Variants in RAPGEF6 observed in about 807,000 individuals in gnomAD.
The protein encoded by RAPGEF6 is Rap guanine nucleotide exchange factor 6.
A neutral mutation model predicts 171.4 loss-of-function variants in RAPGEF6; 56 were observed. The ratio of observed to expected loss-of-function variants is 0.33; its 90% confidence interval spans 0.26 to 0.41. RAPGEF6 has a LOEUF of 0.41. Among genes scored for constraint, RAPGEF6 ranks in the 10% least tolerant of loss-of-function variants. RAPGEF6 has a pLI of 1.00. For missense variants in RAPGEF6, 1,674 were observed against 1,921.4 expected (o/e 0.87, Z 2.41); for synonymous variants, 692 against 650.1 (o/e 1.06, Z -0.98).
intron 5 of RAPGEF6, among the ~76,000 whole-genome samples, chr5:131,561,396 G>C (rs1385271813): frequency 6.6e-6 from 1 of 152,008 alleles, no homozygotes; most frequent in Non-Finnish European, 1.5e-5. Context: ...AGTGACCCAC[G>C]CCTGTAATCT....
intron 5 of RAPGEF6, among the ~76,000 whole-genome samples, chr5:131,557,823 C>A (rs542446318): frequency 6.6e-6 from 1 of 152,186 alleles, no homozygotes; most frequent in Admixed American, 6.5e-5. Context: ...CATTCAAATG[C>A]TAAATCAATT....
intron 5 of RAPGEF6, among the ~76,000 whole-genome samples, chr5:131,549,778 T>C (rs187361922): frequency 1.3e-5 from 2 of 152,234 alleles, no homozygotes; most frequent in East Asian, 1.9e-4. Flanking sequence ...GCAGGTAAAC[T>C]TGTGTCATGG....
intron 3 of RAPGEF6, among the ~76,000 whole-genome samples, chr5:131,593,935 T>A (rs1763735053): frequency 6.6e-6 from 1 of 152,156 alleles, no homozygotes; most frequent in African/African-American, 2.4e-5. Context: ...GATAATGTGG[T>A]AGAAAAGAAA....
rs1455578591 is a variant in RAPGEF6 at position 131,426,146 on chromosome 5, C to G, written c.*1120G>C. 6.6e-6 allele frequency: 1 copy of G among 152,196 alleles called. No homozygotes were observed. The highest frequency in any genetic ancestry group is 1.5e-5 in the Non-Finnish European group (1 of 68,022). The allele number at this position is 152,196 out of a possible 1,614,324, so 9.4% of individuals were successfully genotyped here. On this transcript the variant is annotated 3_prime_UTR_variant, in exon 28 of 28. Transcript: ENST00000509018. Reference sequence around the variant, plus strand: ...ACAATCATTTCTGTAACTCCAGCTCCTCTTTCTCCCACAAAATGTTACTGC... The same window carrying G: ...ACAATCATTTCTGTAACTCCAGCTCGTCTTTCTCCCACAAAATGTTACTGC...
chr5:131,468,813 C>A (rs950026981), intron 17 of RAPGEF6, among the ~76,000 whole-genome samples: 36 of 151,820 alleles, frequency 2.4e-4, no homozygotes, highest in Non-Finnish European at 4.4e-4. Flanking sequence ...GCAAAAAGCG[C>A]CACACAAAAA....
chr5:131,447,382 C>A (rs1346849421), intron 21 of RAPGEF6: 1 of 152,208 alleles, frequency 6.6e-6, no homozygotes, highest in Non-Finnish European at 1.5e-5. Flanking sequence ...AACTGAGGAT[C>A]TGGGACATCA....
intron 1 of RAPGEF6, among the ~76,000 whole-genome samples, chr5:131,620,880 C>T (rs1765556711): frequency 6.6e-6 from 1 of 152,204 alleles, no homozygotes; most frequent in Non-Finnish European, 1.5e-5. Context: ...GCATGACAAA[C>T]CATGCCCACG....
intron 11 of RAPGEF6, 86 bp downstream of exon 11, chr5:131,504,540 A>G (rs1757227162): frequency 7.7e-7 from 1 of 1,298,746 alleles, no homozygotes; most frequent in Admixed American, 2.4e-5. Context: ...ATTATCTTGC[A>G]TTACTTAAAA....
intron 24 of RAPGEF6, among the ~76,000 whole-genome samples, chr5:131,437,819 G>A (rs749288849): frequency 2.0e-5 from 3 of 152,144 alleles, no homozygotes; most frequent in Admixed American, 1.3e-4. Context: ...TGAGGTGGCC[G>A]CAGAGAAAGA....
intron 3 of RAPGEF6, among the ~76,000 whole-genome samples, chr5:131,601,395 A>C (rs1764249285): frequency 6.6e-6 from 1 of 151,966 alleles, no homozygotes; most frequent in African/African-American, 2.4e-5. Flanking sequence ...CAAAAAAAAA[A>C]AAAAAAAAGG....
intron 11 of RAPGEF6, among the ~76,000 whole-genome samples, chr5:131,504,156 T>C (rs912535493): frequency 1.3e-5 from 2 of 152,104 alleles, no homozygotes; most frequent in Non-Finnish European, 2.9e-5. Flanking sequence ...TCCTTCATCA[T>C]TAAAATGTGT....
At chr5:131,579,247 C>T (rs188928351) in intron 4 of RAPGEF6, among the ~76,000 whole-genome samples, 120 of 152,228 alleles carry the variant, frequency 7.9e-4, no homozygotes, top group Middle Eastern at 3.4e-3. Flanking sequence ...CAGACCTTCC[C>T]GGTGAGTGTT....
chr5:131,596,952 C>A (rs1237316448), intron 3 of RAPGEF6, among the ~76,000 whole-genome samples: 1 of 152,070 alleles, frequency 6.6e-6, no homozygotes, highest in Non-Finnish European at 1.5e-5. Context: ...AATGAATAGA[C>A]AACCTACAGA....
chr5:131,549,429 C>T (rs1283002156), intron 5 of RAPGEF6, among the ~76,000 whole-genome samples: 1 of 152,272 alleles, frequency 6.6e-6, no homozygotes, highest in South Asian at 2.1e-4. Flanking sequence ...AAACTGCAGA[C>T]AGTACCAAAT....
At position 131,427,283 on chromosome 5, in the gene RAPGEF6, G is replaced by C. The variant is rs1421202456; in HGVS notation, c.4789C>G (p.Gln1597Glu). The C allele has an allele frequency of 6.2e-7, 1 of 1,608,350 alleles. No homozygotes were observed. The highest frequency in any genetic ancestry group is 8.5e-7 in the Non-Finnish European group (1 of 1,175,080). The part of the protein sequence containing the change: ...DADSEADENE[Q>E]VSAV ...TCCAAAGGCTAGACTGCTGAAACTTGTTCATTTTCTGAAAATAAAAAATAT... is the reference window on the plus strand; with the variant it reads ...TCCAAAGGCTAGACTGCTGAAACTTCTTCATTTTCTGAAAATAAAAAATAT... The change falls in exon 28 of 28, where the codon CAA becomes GAA. Residue 1597 changes from glutamine to glutamate, a missense_variant. By Grantham distance (29) the Gln-to-Glu change is conservative. Around this residue, in one of 3 missense-constraint regions of RAPGEF6, gnomAD observed 552 missense variants for 574.2 expected, o/e 0.96. Coordinates refer to ENST00000509018, the MANE Select transcript of RAPGEF6 (RefSeq NM_016340.6).
At chr5:131,474,335 T>G (rs42264) in intron 16 of RAPGEF6, among the ~76,000 whole-genome samples, 118,521 of 151,924 alleles carry the variant, frequency 0.78, 46,573 homozygotes, top group African/African-American at 0.83. Context: ...GTCGGGTGGC[T>G]CGTGCCTGTA....
chr5:131,634,769 G>A (rs1248330049), intron 1 of RAPGEF6, among the ~76,000 whole-genome samples, 193 bp downstream of exon 1: 2 of 152,190 alleles, frequency 1.3e-5, no homozygotes, highest in Non-Finnish European at 2.9e-5. Context: ...GGTTAAGACC[G>A]CATCACAGGC....
Position 131,625,878 on chromosome 5 carries a change from C to G in RAPGEF6, c.69+9084G>C, listed in dbSNP as rs558950247. ...CTTAGTATAATCACTAGTAGTCTTA[C>G]CTTTCACATGGAAAATATCCCAGTT... On this transcript the variant is annotated intron_variant, in intron 1 of 27. Transcript: ENST00000509018. 1.6e-4 allele frequency among the ~76,000 whole-genome samples: 25 copies of G among 151,942 alleles called. 1 individual carries two copies. In the South Asian group the frequency reaches 5.0e-3, roughly 30 times the overall value.
At chr5:131,440,682 G>A (rs1426083389) in intron 23 of RAPGEF6, among the ~76,000 whole-genome samples, 1 of 144,408 alleles carries the variant, frequency 6.9e-6, no homozygotes, top group East Asian at 2.1e-4. Flanking sequence ...AGGTTTCAGT[G>A]AGCCAAGATC....
Sources: allele counts gnomAD v4.1 joint callset (sites outside exome capture counted in the v4.1 genomes callset), GRCh38; gene constraint gnomAD v4.1.1; regional missense constraint gnomAD v4.1.1; transcripts MANE v1.5; gene names NCBI Gene and HGNC (gene_info 2026-07-23, HGNC 2026-07-21).